The following NDST3 variants were observed in gnomAD, a reference collection of about 807,000 sequenced individuals.
NDST3 encodes bifunctional heparan sulfate N-deacetylase/N-sulfotransferase 3.
A neutral mutation model predicts 96.1 loss-of-function variants in NDST3; 58 were observed. That is an observed-to-expected ratio of 0.60 (90% CI 0.49 to 0.75). The LOEUF (loss-of-function observed/expected upper bound fraction) is 0.75. Ranked by LOEUF, NDST3 falls within the 30% of genes least tolerant of loss-of-function variation. NDST3 has a pLI of 0.00. For synonymous variants in NDST3, 333 were observed against 359.7 expected, an observed-to-expected ratio of 0.93 and a Z score of 0.84; for missense variants, 788 against 1,034.2, an observed-to-expected ratio of 0.76 and a Z score of 3.27.
intron 6 of NDST3, among the ~76,000 whole-genome samples, chr4:118,196,293 G>A (rs1737680633): frequency 6.6e-6 from 1 of 152,116 alleles, no homozygotes; most frequent in East Asian, 1.9e-4. Context: ...CAGAGATACT[G>A]GCCTGTAGTT....
At chr4:118,074,105 G>C (rs1727298995) in intron 2 of NDST3, among the ~76,000 whole-genome samples, 2 of 152,048 alleles carry the variant, frequency 1.3e-5, no homozygotes, top group South Asian at 2.1e-4. Context: ...TCTTAGTATT[G>C]ATTTCTATTT....
intron 6 of NDST3, among the ~76,000 whole-genome samples, chr4:118,192,802 G>A (rs1382188191): frequency 1.3e-5 from 2 of 152,070 alleles, no homozygotes; most frequent in Non-Finnish European, 2.9e-5. Context: ...GCAAAGAAGA[G>A]GCTGAGGGGG....
intron 8 of NDST3, 107 bp from the exon 9 acceptor site, chr4:118,232,905 A>C (rs1740402591): frequency 1.8e-6 from 2 of 1,119,786 alleles, no homozygotes; most frequent in African/African-American, 1.6e-5. Context: ...AGTAGTTGTA[A>C]TAAATCTGTT....
chr4:118,206,084 G>A (rs1215432862), intron 6 of NDST3, among the ~76,000 whole-genome samples: 4 of 142,848 alleles, frequency 2.8e-5, no homozygotes, highest in South Asian at 2.4e-4. Flanking sequence ...CGCCCACCTC[G>A]GCCTCCCAAA....
intron 2 of NDST3, among the ~76,000 whole-genome samples, chr4:118,074,703 C>T (rs1005795096): frequency 1.3e-5 from 2 of 152,264 alleles, no homozygotes; most frequent in East Asian, 3.9e-4. Context: ...ACTTGCCATT[C>T]TGTGCCTTTT....
At chr4:118,096,256 T>C (rs1398379132) in intron 2 of NDST3, among the ~76,000 whole-genome samples, 1 of 151,902 alleles carries the variant, frequency 6.6e-6, no homozygotes, top group African/African-American at 2.4e-5. Context: ...TATTCTCATG[T>C]ATTGAATGCA....
intron 6 of NDST3, chr4:118,194,233 C>A: frequency 1.4e-6 from 1 of 727,112 alleles, no homozygotes; most frequent in Non-Finnish European, 2.5e-6. Context: ...AGCACCCTTC[C>A]AGTGCAATCT....
chr4:118,068,504 C>A (rs1367559305), intron 2 of NDST3, among the ~76,000 whole-genome samples: 9 of 152,024 alleles, frequency 5.9e-5, no homozygotes, highest in Admixed American at 5.9e-4. Context: ...CAATACAAGA[C>A]AATTTTCATG....
At chr4:118,197,547 T>C (rs1737776193) in intron 6 of NDST3, among the ~76,000 whole-genome samples, 1 of 152,198 alleles carries the variant, frequency 6.6e-6, no homozygotes, top group South Asian at 2.1e-4. Context: ...ATTGAACCCC[T>C]TATCATTATA....
At chr4:118,236,151 T>C (rs1740631942) in intron 9 of NDST3, among the ~76,000 whole-genome samples, 2 of 152,202 alleles carry the variant, frequency 1.3e-5, no homozygotes, top group Non-Finnish European at 2.9e-5. Context: ...GGGGTGGCAA[T>C]GGAGGCTGAG....
intron 6 of NDST3, among the ~76,000 whole-genome samples, chr4:118,166,450 T>C (rs1735555483): frequency 6.6e-6 from 1 of 151,898 alleles, no homozygotes; most frequent in African/African-American, 2.4e-5. Context: ...ACAGATGTCT[T>C]TACTGGTGAC....
At chr4:118,061,860 A>G (rs893616058) in intron 2 of NDST3, among the ~76,000 whole-genome samples, 1 of 152,212 alleles carries the variant, frequency 6.6e-6, no homozygotes, top group East Asian at 1.9e-4. Flanking sequence ...TGAATCAGGC[A>G]GCCTCCCGAG....
chr4:118,254,587 A>G (rs1284189872), intron 13 of NDST3, among the ~76,000 whole-genome samples: 1 of 152,158 alleles, frequency 6.6e-6, no homozygotes, highest in Non-Finnish European at 1.5e-5. Context: ...ATTAAGATTT[A>G]CTAATAATAT....
chr4:118,095,115 G>C (rs1452748814), intron 2 of NDST3, among the ~76,000 whole-genome samples: 1 of 151,852 alleles, frequency 6.6e-6, no homozygotes, highest in Non-Finnish European at 1.5e-5. Context: ...GTCAAGGAAA[G>C]CCTCACCAAA....
intron 4 of NDST3, among the ~76,000 whole-genome samples, chr4:118,127,774 C>T (rs1732240436): frequency 6.6e-6 from 1 of 151,966 alleles, no homozygotes; most frequent in African/African-American, 2.4e-5. Context: ...CTGTAGATTG[C>T]TTTGTTTAGT....
intron 2 of NDST3, among the ~76,000 whole-genome samples, chr4:118,057,901 G>A (rs954944991): frequency 1.3e-5 from 2 of 152,034 alleles, no homozygotes; most frequent in African/African-American, 4.8e-5. Context: ...AACCGTCCTG[G>A]TTTGTCCAGG....
chr4:118,138,596 C>T (rs899553847), intron 5 of NDST3, among the ~76,000 whole-genome samples: 3 of 152,182 alleles, frequency 2.0e-5, no homozygotes, highest in African/African-American at 4.8e-5. Context: ...ATTAACCATG[C>T]TGCTCTTTGA....
intron 2 of NDST3, among the ~76,000 whole-genome samples, chr4:118,092,651 TC>T (rs1156972055): frequency 6.6e-6 from 1 of 151,830 alleles, no homozygotes; most frequent in Non-Finnish European, 1.5e-5. Flanking sequence ...ACTCTAAACT[TC>T]AGGTCAGAAG....
intron 6 of NDST3, among the ~76,000 whole-genome samples, chr4:118,156,494 T>C (rs1734720363): frequency 6.6e-6 from 1 of 152,186 alleles, no homozygotes; most frequent in Non-Finnish European, 1.5e-5. Context: ...TTTTGGCACA[T>C]AGTAGGTTCT....
Sources: gnomAD v4.1 joint callset for allele counts (sites outside exome capture counted in the v4.1 genomes callset) on GRCh38, gnomAD v4.1.1 for gene constraint, MANE v1.5 for transcripts, NCBI Gene and HGNC (gene_info 2026-07-23, HGNC 2026-07-21) for gene names.